The following CAMKK1 variants were observed in gnomAD, a reference collection of about 807,000 sequenced individuals.
CAMKK1 encodes calcium/calmodulin dependent protein kinase kinase 1, also known as calcium/calmodulin-dependent protein kinase kinase 1.
CAMKK1 carries 20 observed loss-of-function variants against 63.5 expected under a neutral mutation model. That is an observed-to-expected ratio of 0.32 (90% CI 0.22 to 0.46). The LOEUF (loss-of-function observed/expected upper bound fraction) is 0.46. Among genes scored for constraint, CAMKK1 ranks in the 20% least tolerant of loss-of-function variants. The pLI, the probability that CAMKK1 is intolerant of heterozygous loss-of-function variation, is 1.00. For missense variants in CAMKK1, 588 were observed against 658.1 expected, an observed-to-expected ratio of 0.89 and a Z score of 1.17; for synonymous variants, 253 against 269.0, an observed-to-expected ratio of 0.94 and a Z score of 0.58.
intron 11 of CAMKK1, 80 bp from the exon 12 acceptor site, chr17:3,872,707 G>T (rs563805516): frequency 1.6e-4 from 201 of 1,220,384 alleles, no homozygotes; most frequent in Admixed American, 1.9e-4. Context: ...CTCCCTTGGT[G>T]GGGGCAGGGG....
In CAMKK1 at chr17:3,865,929, G is replaced by A. The variant is rs2054501823; in HGVS notation, c.1424C>T (p.Ser475Phe). The A allele has an allele frequency of 6.2e-7, 1 of 1,614,108 alleles. No individual in the cohort carries two copies. Among genetic ancestry groups the A allele is most frequent in the South Asian group, 1.1e-5 (1 of 91,090 alleles). The part of the protein sequence containing the change: ...PQARREERSM[S>F]APGNLLVKEG... ...TTACACCAGTAGGTTTCCTGGAGCA[G>A]ACATGGATCGCTCTTCCCTCCGTGC... The change falls in exon 15 of 16, where the codon TCT (serine) becomes TTT (phenylalanine). Residue 475 changes from serine (S) to phenylalanine (F), a missense_variant. By Grantham distance (155) the Ser-to-Phe change is radical (BLOSUM62 -2). This residue lies in a region of CAMKK1 where 226 missense variants were observed against 229.2 expected (regional missense o/e 0.99). Transcript: ENST00000348335.
intron 10 of CAMKK1, among the ~76,000 whole-genome samples, chr17:3,875,802 G>A (rs192169769): frequency 6.6e-6 from 1 of 152,014 alleles, no homozygotes; most frequent in Admixed American, 6.5e-5. Context: ...CCCCCACCCT[G>A]AGCCCTTCTG....
intron 14 of CAMKK1, among the ~76,000 whole-genome samples, chr17:3,869,025 G>A (rs1597448138): frequency 6.8e-6 from 1 of 147,420 alleles, no homozygotes; most frequent in Non-Finnish European, 1.5e-5. Context: ...CTGGAGTGCA[G>A]TGGCGCGATC....
rs2054357522 is a variant in CAMKK1, at chr17:3,862,340, A to G, written c.1446-57T>C. 1 of 1,318,596 alleles carries G rather than the reference A, an allele frequency of 7.6e-7. No individual in the cohort carries two copies. Among genetic ancestry groups the G allele is most frequent in the Admixed American group, 2.0e-5 (1 of 50,700 alleles). The allele number at this position is 1,318,596 out of a possible 1,614,324, so 81.7% of individuals were successfully genotyped here. ...TCAGGGTCAGAATATGCACTCAGGG[A>G]GACACTCTCCCTCACACACACAGGA... On this transcript the variant is annotated intron_variant, in intron 15 of 15. Coordinates refer to ENST00000348335, the MANE Select transcript of CAMKK1 (RefSeq NM_032294.3). This position sits in a 1 kb window ranked among gnomAD's most constrained non-coding sequence, Gnocchi z 4.1.
chr17:3,875,467 T>C (rs574742711), intron 10 of CAMKK1, among the ~76,000 whole-genome samples: 1 of 151,756 alleles, frequency 6.6e-6, no homozygotes, highest in South Asian at 2.1e-4. Context: ...TTTTTTTTTT[T>C]GTAGAAATGG....
chr17:3,876,757 GTTTTTTTTTTTTTT>G (rs59503016), intron 9 of CAMKK1, among the ~76,000 whole-genome samples: 4 of 101,356 alleles, frequency 3.9e-5, no homozygotes, highest in East Asian at 8.6e-4. Context: ...TTTTTTTTTG[GTTTTTTTTTTTTTT>G]TTTTGAGACA....
Position 3,883,164 on chromosome 17 carries a change from G to T in CAMKK1, c.526C>A (p.Pro176Thr). 6.2e-7 allele frequency: 1 copy of T among 1,610,564 alleles called. No individual in the cohort carries two copies. Among genetic ancestry groups the T allele is most frequent in the African/African-American group, 1.3e-5 (1 of 75,016 alleles). ...CCCTGGGCAGCCTGGGACCCTCTCG[G>T]GGGAGGGCGACCTGTGACCAGGAAG... The part of the protein sequence containing the change: ...KQYGFPRRPP[P>T]RGSQAAQGGP... Residue 176 changes from proline (P) to threonine (T), a missense_variant, in exon 6 of 16, where the codon CCG (proline) becomes ACG (threonine). This residue lies in a region of CAMKK1 where 357 missense variants were observed against 407.4 expected (regional missense o/e 0.88). Transcript: ENST00000348335. The surrounding 1 kb of genome is among the most constrained non-coding windows in gnomAD (Gnocchi z 4.7).
At chr17:3,868,164 C>CACA (rs1345200799) in intron 14 of CAMKK1, among the ~76,000 whole-genome samples, 1 of 9,244 alleles carries the variant, frequency 1.1e-4, no homozygotes. Flanking sequence ...CTAACTGATA[C>CACA]GTGGGCTCTG....
chr17:3,889,427 G>A lies in CAMKK1; in HGVS notation c.-44+3512C>T, dbSNP rs534828371. On this transcript the variant is annotated intron_variant, in intron 1 of 15. Transcript: ENST00000348335. This position sits in a 1 kb window ranked among gnomAD's most constrained non-coding sequence, Gnocchi z 5.2. ...CCAGACTCAAGCCCTCCCTCATTGG[G>A]AAAAACTACTGCAATCCTGTCCCCC... 6.6e-6 allele frequency among the ~76,000 whole-genome samples: 1 copy of A among 152,210 alleles called. No homozygotes were observed. The highest frequency in any genetic ancestry group is 2.1e-4 in the South Asian group (1 of 4,828).
At chr17:3,886,596 C>T (rs1172531065) in intron 1 of CAMKK1, among the ~76,000 whole-genome samples, 2 of 152,096 alleles carry the variant, frequency 1.3e-5, no homozygotes, top group African/African-American at 2.4e-5. Context: ...CACGCCACTA[C>T]ACTCCAGCCT....
chr17:3,871,697 G>A (rs1335245245), intron 12 of CAMKK1, among the ~76,000 whole-genome samples: 1 of 147,172 alleles, frequency 6.8e-6, no homozygotes, highest in Non-Finnish European at 1.5e-5. Context: ...TTGAGACAGA[G>A]TCTTGCTCTG....
At chr17:3,873,719 A>G (rs773680583) in intron 10 of CAMKK1, among the ~76,000 whole-genome samples, 1 of 151,992 alleles carries the variant, frequency 6.6e-6, no homozygotes, top group Non-Finnish European at 1.5e-5. Context: ...TACGTTTCCA[A>G]CTCAACAGGT....
chr17:3,881,550 G>A (rs543911180), intron 8 of CAMKK1, 77 bp downstream of exon 8: 1 of 1,426,060 alleles, frequency 7.0e-7, no homozygotes, highest in Admixed American at 2.0e-5. Flanking sequence ...GCTGACCCCT[G>A]GGCTGGGGAC....
chr17:3,866,619 A>G (rs1482444264), intron 14 of CAMKK1, among the ~76,000 whole-genome samples: 1 of 152,178 alleles, frequency 6.6e-6, no homozygotes, highest in Non-Finnish European at 1.5e-5. Context: ...GCTTGTGTCC[A>G]TCCATCCCGT....
chr17:3,866,131 G>T, intron 14 of CAMKK1, 120 bp from the exon 15 acceptor site: 2 of 1,190,558 alleles, frequency 1.7e-6, no homozygotes, highest in Non-Finnish European at 2.4e-6. Flanking sequence ...ATCTCAATCA[G>T]CACAGCATGA....
Position 3,879,512 on chromosome 17 carries a change from CG to C in CAMKK1, c.796+833del. ...GATTCCCAGCCCTCATGCTGTGGCCCGGACAGTGTTTCCAGCATCATCTTTC... is the reference window on the plus strand; with the variant it reads ...GATTCCCAGCCCTCATGCTGTGGCCCGACAGTGTTTCCAGCATCATCTTTC... On this transcript the variant is annotated intron_variant, in intron 9 of 15. Coordinates refer to ENST00000348335, the MANE Select transcript of CAMKK1 (RefSeq NM_032294.3). This position sits in a 1 kb window ranked among gnomAD's most constrained non-coding sequence, Gnocchi z 4.5. 1 of 152,574 alleles carries C rather than the reference CG, an allele frequency of 6.6e-6. No homozygotes were observed. The highest frequency in any genetic ancestry group is 6.5e-5 in the Admixed American group (1 of 15,296). 9.5% of individuals were successfully genotyped at this position (152,574 alleles called of 1,614,324 possible). A position where few individuals can be genotyped will look rare whatever the true frequency, so the allele number is the denominator to read the frequency against.
intron 10 of CAMKK1, among the ~76,000 whole-genome samples, chr17:3,874,470 C>T (rs755286706): frequency 4.6e-5 from 7 of 152,134 alleles, no homozygotes; most frequent in Non-Finnish European, 8.8e-5. Context: ...CTCCTGGGTT[C>T]GAACGATTCT....
chr17:3,868,389 CA>C (rs1567613712), intron 14 of CAMKK1, among the ~76,000 whole-genome samples: 10 of 148,886 alleles, frequency 6.7e-5, no homozygotes, highest in South Asian at 4.3e-4. Flanking sequence ...GACGCAGGCC[CA>C]TCTAACTGAT....
At chr17:3,871,406 G>A (rs1356980264) in intron 12 of CAMKK1, among the ~76,000 whole-genome samples, 3 of 134,214 alleles carry the variant, frequency 2.2e-5, no homozygotes, top group Admixed American at 8.2e-5. Flanking sequence ...CCAGGCTGGA[G>A]TGCAGTAGCA....
Sources: gnomAD v4.1 joint callset for allele counts (sites outside exome capture counted in the v4.1 genomes callset) on GRCh38, gnomAD v4.1.1 for gene constraint, gnomAD v4.1.1 regional missense constraint, Gnocchi (gnomAD v3.1) non-coding constraint, MANE v1.5 for transcripts, NCBI Gene and HGNC (gene_info 2026-07-23, HGNC 2026-07-21) for gene names.